The following TXLNB variants were observed in gnomAD, a reference collection of about 807,000 sequenced individuals.
TXLNB encodes the protein beta-taxilin.
TXLNB carries 37 observed loss-of-function variants against 57.4 expected under a neutral mutation model. The ratio of observed to expected loss-of-function variants is 0.64; its 90% CI spans 0.50 to 0.85. The LOEUF (loss-of-function observed/expected upper bound fraction) is 0.85, where lower values mean the gene tolerates loss of function less well. Ranked by LOEUF, TXLNB falls within the 40% of genes least tolerant of loss-of-function variation. The probability of loss-of-function intolerance (pLI) is 0.00; values close to 1 mark genes in which losing one functional copy is unlikely to be tolerated. For missense variants in TXLNB, 848 were observed against 825.6 expected, an observed-to-expected ratio of 1.03 and a Z score of -0.33; for synonymous variants, 302 against 309.6, an observed-to-expected ratio of 0.98 and a Z score of 0.26.
chr6:139,323,360 G>A, the TXLNB span, among the ~76,000 whole-genome samples: 1 of 148,968 alleles, frequency 6.7e-6, no homozygotes, highest in Non-Finnish European at 1.5e-5. Context: ...AAGGCTCACT[G>A]CAATCTCCGC....
the TXLNB span, among the ~76,000 whole-genome samples, chr6:139,190,625 T>C: frequency 2.6e-5 from 4 of 152,152 alleles, no homozygotes; most frequent in African/African-American, 9.7e-5. Flanking sequence ...CTGTTTCTTA[T>C]AGATGATGTC....
the TXLNB span, among the ~76,000 whole-genome samples, chr6:139,314,882 A>G: frequency 6.6e-6 from 1 of 152,178 alleles, no homozygotes; most frequent in East Asian, 1.9e-4. Flanking sequence ...TTGACTCTGA[A>G]ACGAAATTGC....
Position 139,264,568 on chromosome 6 carries a change from G to C in TXLNB, c.688-1795C>G, listed in dbSNP as rs572935433. Among the ~76,000 whole-genome samples the C allele has an allele frequency of 7.9e-5, 12 of 152,018 alleles. No homozygotes were observed. The East Asian group carries it at 2.1e-3, about 27-fold the overall frequency. On this transcript the variant is annotated intron_variant, in intron 4 of 9. Coordinates refer to ENST00000358430, the MANE Select transcript of TXLNB (RefSeq NM_153235.4). ...TTTTTGTTTTGTTTTGTTTTGTTTT[G>C]TTTTGTTTTGAGATGAAGTCTCACT...
the TXLNB span, among the ~76,000 whole-genome samples, chr6:139,194,369 T>C: frequency 6.6e-6 from 1 of 152,166 alleles, no homozygotes; most frequent in Non-Finnish European, 1.5e-5. Flanking sequence ...TCACAGAGTA[T>C]CTATCAGACA....
chr6:139,226,342 GA>G, the TXLNB span, among the ~76,000 whole-genome samples: 1 of 138,416 alleles, frequency 7.2e-6, no homozygotes, highest in South Asian at 2.4e-4. Flanking sequence ...TAGAGAGAGA[GA>G]GAAAGACACA....
chr6:139,243,175 TG>T lies in TXLNB; in HGVS notation c.1405del (p.Gln469LysfsTer32). On this transcript the variant is annotated frameshift_variant, in exon 10 of 10. Coordinates refer to ENST00000358430, the MANE Select transcript of TXLNB (RefSeq NM_153235.4). LOFTEE classifies it low-confidence loss of function (END_TRUNC). ...CTCTTCATCGGAGTTGTGCTGACTTTGGTCATCCTTTTCAGATATTTCTGCG... is the reference window on the plus strand; with the variant it reads ...CTCTTCATCGGAGTTGTGCTGACTTTGTCATCCTTTTCAGATATTTCTGCG... ...RDAEISEKDDQSQHNSDEEPE... is the reference protein window; with the variant it reads ...RDAEISEKDDXSQHNSDEEPE... The T allele has an allele frequency of 5.6e-6, 9 of 1,614,250 alleles. No individual in the cohort carries two copies. The highest frequency in any genetic ancestry group is 7.6e-6 in the Non-Finnish European group (9 of 1,180,050).
the TXLNB span, among the ~76,000 whole-genome samples, chr6:139,193,473 T>C: frequency 6.6e-6 from 1 of 152,034 alleles, no homozygotes; most frequent in Non-Finnish European, 1.5e-5. Flanking sequence ...AGGCTGTGGA[T>C]TGGGTTTACA....
At chr6:139,202,853 A>C in the TXLNB span, among the ~76,000 whole-genome samples, 91,361 of 151,922 alleles carry the variant, frequency 0.6, 28,560 homozygotes, top group Non-Finnish European at 0.68. Flanking sequence ...TCTCCCTATC[A>C]TCCCTCCCTG....
At chr6:139,317,225 A>G in the TXLNB span, among the ~76,000 whole-genome samples, 1 of 146,090 alleles carries the variant, frequency 6.8e-6, no homozygotes, top group Non-Finnish European at 1.6e-5. Context: ...TGTCTTTTAG[A>G]AAAAAAAAGT....
At position 139,268,261 on chromosome 6, in the gene TXLNB, G is replaced by C. The variant is rs190170202; in HGVS notation, c.687+2195C>G. ...AAATGTATATACACCTAATATTAAT[G>C]CTTCAAAGTACATAAAGCAGAAATT... On this transcript the variant is annotated intron_variant, in intron 4 of 9. Transcript: ENST00000358430. Among the ~76,000 whole-genome samples the C allele has an allele frequency of 3.7e-3, 562 of 151,238 alleles. 2 individuals carry two copies. Among genetic ancestry groups the C allele is most frequent in the African/African-American group, 0.013 (525 of 41,164 alleles).
At chr6:139,229,550 T>C in the TXLNB span, among the ~76,000 whole-genome samples, 1 of 152,222 alleles carries the variant, frequency 6.6e-6, no homozygotes, top group East Asian at 1.9e-4. Context: ...CTCGAACTCC[T>C]GACCTTAGGT....
chr6:139,289,809 T>A (rs1777265426), intron 1 of TXLNB, among the ~76,000 whole-genome samples: 1 of 152,232 alleles, frequency 6.6e-6, no homozygotes, highest in Admixed American at 6.5e-5. Flanking sequence ...GTATTAGTTT[T>A]CTTTCAAAGT....
the TXLNB span, among the ~76,000 whole-genome samples, chr6:139,159,999 C>A: frequency 1.3e-5 from 2 of 152,168 alleles, no homozygotes; most frequent in African/African-American, 4.8e-5. Context: ...GTGTGATCCT[C>A]CTCTTTCAAT....
chr6:139,215,470 T>A, the TXLNB span, among the ~76,000 whole-genome samples: 1 of 152,176 alleles, frequency 6.6e-6, no homozygotes, highest in Non-Finnish European at 1.5e-5. Flanking sequence ...TATACAAAAA[T>A]TAATTCAAGA....
the TXLNB span, among the ~76,000 whole-genome samples, chr6:139,161,512 C>T: frequency 6.6e-6 from 1 of 152,280 alleles, no homozygotes; most frequent in South Asian, 2.1e-4. Context: ...TCCATGTGTG[C>T]ACTTCTGTTA....
the TXLNB span, among the ~76,000 whole-genome samples, chr6:139,318,287 A>AAC: frequency 1.3e-5 from 2 of 150,316 alleles, no homozygotes; most frequent in African/African-American, 4.9e-5. Flanking sequence ...AAAAAAAAAA[A>AAC]AGAAAAGAAA....
chr6:139,177,971 C>CT, the TXLNB span: 1 of 152,192 alleles, frequency 6.6e-6, no homozygotes, highest in African/African-American at 2.4e-5. The surrounding 1 kb of genome is among the most constrained non-coding windows in gnomAD (Gnocchi z 4.9). Context: ...GCCACAGAAT[C>CT]TAACTGGTGA....
At chr6:139,269,155 T>C (rs1051358997) in intron 4 of TXLNB, 3 of 152,262 alleles carry the variant, frequency 2.0e-5, no homozygotes, top group Admixed American at 2.0e-4. Context: ...TCCTCCGGCC[T>C]TGGGCTTCCA....
At chr6:139,203,690 T>C in the TXLNB span, 1 of 152,194 alleles carries the variant, frequency 6.6e-6, no homozygotes, top group South Asian at 2.1e-4. Context: ...CTCCTCAAAG[T>C]CATCCACACC....
Sources: gnomAD v4.1 joint callset for allele counts (sites outside exome capture counted in the v4.1 genomes callset) on GRCh38, gnomAD v4.1.1 for gene constraint, Gnocchi (gnomAD v3.1) non-coding constraint, MANE v1.5 for transcripts, NCBI Gene and HGNC (gene_info 2026-07-23, HGNC 2026-07-21) for gene names.